NKAIN3: variants seen among roughly 807,000 people sequenced by gnomAD.
NKAIN3 encodes the protein sodium/potassium-transporting ATPase subunit beta-1-interacting protein 3.
Under a neutral mutation model 30.2 loss-of-function variants are expected in NKAIN3, and 25 were observed. The ratio of observed to expected loss-of-function variants is 0.83; its 90% confidence interval spans 0.60 to 1.16. The LOEUF (loss-of-function observed/expected upper bound fraction) is 1.16. Ranked by LOEUF, NKAIN3 falls within the 50% of genes most tolerant of loss-of-function variation. The pLI is 0.00. For synonymous variants in NKAIN3, 91 were observed against 89.6 expected, an observed-to-expected ratio of 1.02 and a Z score of -0.09; for missense variants, 225 against 254.1, an observed-to-expected ratio of 0.89 and a Z score of 0.78.
intron 1 of NKAIN3, among the ~76,000 whole-genome samples, chr8:62,422,694 T>TC (rs1804681003): frequency 6.6e-6 from 1 of 152,114 alleles, no homozygotes; most frequent in Non-Finnish European, 1.5e-5. Flanking sequence ...CACTCTTAGT[T>TC]GACTGGAGTT....
At chr8:62,662,923 G>C (rs1268060339) in intron 3 of NKAIN3, among the ~76,000 whole-genome samples, 1 of 152,192 alleles carries the variant, frequency 6.6e-6, no homozygotes, top group Admixed American at 6.5e-5. Context: ...TGAAGATGTA[G>C]AAGAAAGAAC....
chr8:62,748,466 A>G (rs999658276), intron 4 of NKAIN3, among the ~76,000 whole-genome samples: 4 of 152,212 alleles, frequency 2.6e-5, no homozygotes, highest in African/African-American at 7.2e-5. Flanking sequence ...TTCGTTGGCT[A>G]CAGCAAATCT....
chr8:62,684,898 A>C (rs544832865), intron 3 of NKAIN3, among the ~76,000 whole-genome samples: 43 of 152,288 alleles, frequency 2.8e-4, no homozygotes, highest in African/African-American at 1.0e-3. Flanking sequence ...AGAAGAAACT[A>C]GCCCTGTCTA....
intron 1 of NKAIN3, among the ~76,000 whole-genome samples, chr8:62,535,275 T>C (rs1184193830): frequency 1.3e-5 from 2 of 152,178 alleles, no homozygotes; most frequent in Non-Finnish European, 2.9e-5. Flanking sequence ...ATTCTCACAC[T>C]AAAGCAATCA....
intron 1 of NKAIN3, among the ~76,000 whole-genome samples, chr8:62,298,774 T>C (rs1813930832): frequency 6.6e-6 from 1 of 151,724 alleles, no homozygotes; most frequent in South Asian, 2.1e-4. Flanking sequence ...TTTTGTGGCA[T>C]TTATCATAAC....
At chr8:62,989,987 G>A (rs962539863) in intron 5 of NKAIN3, among the ~76,000 whole-genome samples, 1 of 152,054 alleles carries the variant, frequency 6.6e-6, no homozygotes, top group African/African-American at 2.4e-5. Flanking sequence ...TGCACACAAA[G>A]GTAAGTGTTA....
intron 1 of NKAIN3, among the ~76,000 whole-genome samples, chr8:62,315,733 G>A (rs1814599112): frequency 6.6e-6 from 1 of 152,186 alleles, no homozygotes; most frequent in African/African-American, 2.4e-5. Flanking sequence ...AGTTTTGAAA[G>A]CCAATTGATA....
chr8:62,856,120 T>C (rs1167961828), intron 4 of NKAIN3: 2 of 716,370 alleles, frequency 2.8e-6, no homozygotes, highest in African/African-American at 1.8e-5. Flanking sequence ...GTTTCCCCTT[T>C]CTCCATTATA....
intron 1 of NKAIN3, among the ~76,000 whole-genome samples, chr8:62,301,164 C>A (rs1176884884): frequency 6.6e-6 from 1 of 151,962 alleles, no homozygotes; most frequent in East Asian, 1.9e-4. Context: ...AGAGGAAATT[C>A]TATAAATTCA....
At chr8:62,657,870 T>A (rs1210918586) in intron 3 of NKAIN3, among the ~76,000 whole-genome samples, 1 of 152,144 alleles carries the variant, frequency 6.6e-6, no homozygotes, top group African/African-American at 2.4e-5. Flanking sequence ...ATTTACACAA[T>A]GGGAATGAAA....
chr8:62,500,435 AAGAAAGAAAG>A (rs1285843591), intron 1 of NKAIN3, among the ~76,000 whole-genome samples: 1 of 91,630 alleles, frequency 1.1e-5, no homozygotes, highest in Admixed American at 1.1e-4. Context: ...GAAAGAAAGA[AAGAAAGAAAG>A]AAAGAAAGAA....
chr8:62,930,329 C>T (rs755545964), intron 5 of NKAIN3, among the ~76,000 whole-genome samples: 47 of 152,142 alleles, frequency 3.1e-4, no homozygotes, highest in Admixed American at 3.9e-4. Context: ...TCTTAGCTCA[C>T]TGCAACCTCC....
At chr8:62,321,006 A>G (rs1020302874) in intron 1 of NKAIN3, among the ~76,000 whole-genome samples, 2 of 152,118 alleles carry the variant, frequency 1.3e-5, no homozygotes, top group Admixed American at 6.5e-5. Flanking sequence ...ACATAGTCCC[A>G]TATTTCTTAG....
intron 4 of NKAIN3, among the ~76,000 whole-genome samples, chr8:62,817,785 C>G (rs1219735192): frequency 6.6e-6 from 1 of 152,168 alleles, no homozygotes; most frequent in Non-Finnish European, 1.5e-5. Context: ...TGTGAAAGCA[C>G]TATCCACATT....
At position 62,883,457 on chromosome 8, in the gene NKAIN3, G is replaced by GTTGTTGTTTTTTTTTTTTTTTTTTTTTT; in HGVS notation, c.472-34994_472-34993insGTTGTTTTTTTTTTTTTTTTTTTTTTTT. On this transcript the variant is annotated intron_variant, in intron 4 of 6. Transcript: ENST00000623646. ...TTTATTATTTCCAGGAGTTTTATGG[G>GTTGTTGTTTTTTTTTTTTTTTTTTTTTT]TTTTTTTTTTTTTTTTCAGATTTTC... 5.7e-5 allele frequency among the ~76,000 whole-genome samples: 4 copies of GTTGTTGTTTTTTTTTTTTTTTTTTTTTT among 70,230 alleles called. 1 individual carries two copies. Among genetic ancestry groups the GTTGTTGTTTTTTTTTTTTTTTTTTTTTT allele is most frequent in the Admixed American group, 1.9e-4 (1 of 5,334 alleles). The allele number at this position is 70,230 out of a possible 152,430, so 46.1% of individuals were successfully genotyped here.
At chr8:62,776,061 T>G (rs1177915388) in intron 4 of NKAIN3, among the ~76,000 whole-genome samples, 1 of 152,096 alleles carries the variant, frequency 6.6e-6, no homozygotes, top group African/African-American at 2.4e-5. Flanking sequence ...GTCTTGAAAC[T>G]TATTTGCCTG....
chr8:62,563,420 G>A (rs1809650100), intron 1 of NKAIN3, among the ~76,000 whole-genome samples: 1 of 152,114 alleles, frequency 6.6e-6, no homozygotes, highest in Non-Finnish European at 1.5e-5. Flanking sequence ...TAGTATAAGA[G>A]AAGGAATGAG....
intron 1 of NKAIN3, among the ~76,000 whole-genome samples, chr8:62,507,442 C>T (rs16929078): frequency 0.072 from 10,962 of 152,176 alleles, 491 homozygotes; most frequent in African/African-American, 0.13. Context: ...CAATTCTATT[C>T]TTCCCAGTCA....
intron 3 of NKAIN3, 23 bp downstream of exon 3, chr8:62,589,817 G>T: frequency 3.0e-6 from 4 of 1,346,132 alleles, no homozygotes; most frequent in Non-Finnish European, 3.2e-6. Context: ...TGCTTTTAAA[G>T]TACACTTTAA....
Sources: gnomAD v4.1 joint callset for allele counts (sites outside exome capture counted in the v4.1 genomes callset) on GRCh38, gnomAD v4.1.1 for gene constraint, MANE v1.5 for transcripts, NCBI Gene and HGNC (gene_info 2026-07-23, HGNC 2026-07-21) for gene names.